Variants in SRBD1 observed in about 807,000 individuals in gnomAD.
SRBD1 encodes the protein S1 RNA-binding domain-containing protein 1.
A neutral mutation model predicts 115.3 loss-of-function variants in SRBD1; 88 were observed. The observed-to-expected ratio is 0.76, with a 90% confidence interval of 0.64 to 0.91. SRBD1 has a LOEUF of 0.91. SRBD1 is among the 40% of genes least tolerant of loss of function. The pLI, the probability that SRBD1 is intolerant of heterozygous loss-of-function variation, is 0.00. For missense variants in SRBD1, 1,385 were observed against 1,177.4 expected (o/e 1.18, Z -2.58); for synonymous variants, 509 against 407.7 (o/e 1.25, Z -2.99).
intron 1 of SRBD1, 134 bp from the exon 2 acceptor site, chr2:45,605,575 A>T (rs1674243106): frequency 1.2e-6 from 1 of 823,352 alleles, no homozygotes; most frequent in Non-Finnish European, 1.9e-6. Context: ...TCACAAGCCC[A>T]AACATCAGTT....
At chr2:45,590,261 T>G (rs746914092) in intron 4 of SRBD1, among the ~76,000 whole-genome samples, 1 of 152,252 alleles carries the variant, frequency 6.6e-6, no homozygotes, top group Non-Finnish European at 1.5e-5. Flanking sequence ...TTCCTAGGCG[T>G]ACGCTGAACT....
chr2:45,602,664 T>G (rs1419010381), intron 2 of SRBD1, among the ~76,000 whole-genome samples: 1 of 152,134 alleles, frequency 6.6e-6, no homozygotes, highest in Non-Finnish European at 1.5e-5. Flanking sequence ...ACTATAGTAC[T>G]TTTCTAACAA....
chr2:45,505,069 C>T (rs999505106), intron 14 of SRBD1, among the ~76,000 whole-genome samples: 3 of 152,134 alleles, frequency 2.0e-5, no homozygotes, highest in Admixed American at 6.5e-5. Context: ...GTCTTCTACA[C>T]AAAACCTGTG....
At chr2:45,476,550 A>G (rs1669808526) in intron 16 of SRBD1, among the ~76,000 whole-genome samples, 1 of 152,216 alleles carries the variant, frequency 6.6e-6, no homozygotes, top group African/African-American at 2.4e-5. Context: ...CAAGAATTAA[A>G]AATACAGTAA....
chr2:45,603,437 A>T (rs944148642), intron 2 of SRBD1, among the ~76,000 whole-genome samples: 2 of 151,964 alleles, frequency 1.3e-5, no homozygotes, highest in African/African-American at 4.8e-5. Context: ...CCTAACCTCT[A>T]AATGCTGGAA....
intron 20 of SRBD1, among the ~76,000 whole-genome samples, chr2:45,392,414 GTT>G (rs1667029254): frequency 6.6e-6 from 1 of 152,180 alleles, no homozygotes; most frequent in Non-Finnish European, 1.5e-5. Context: ...AACTATGGTT[GTT>G]ACATGGAAGT....
At chr2:45,531,541 C>G (rs1671612288) in intron 14 of SRBD1, among the ~76,000 whole-genome samples, 1 of 148,632 alleles carries the variant, frequency 6.7e-6, no homozygotes, top group Non-Finnish European at 1.5e-5. Flanking sequence ...GAAAGTTCTA[C>G]AGTAAAGACG....
At chr2:45,598,522 G>A (rs1453587935) in intron 4 of SRBD1, among the ~76,000 whole-genome samples, 2 of 151,920 alleles carry the variant, frequency 1.3e-5, no homozygotes, top group Non-Finnish European at 2.9e-5. Flanking sequence ...GCTGAGGCAG[G>A]AGAATGGCAT....
At chr2:45,425,819 A>C (rs1248175527) in intron 16 of SRBD1, among the ~76,000 whole-genome samples, 1 of 152,250 alleles carries the variant, frequency 6.6e-6, no homozygotes, top group East Asian at 1.9e-4. Flanking sequence ...CTCTGCCCCA[A>C]ATACTACGCT....
In SRBD1 at chr2:45,389,088, T is replaced by C. The variant is rs1334062589; in HGVS notation, c.*222A>G. ...AGAAAACTATTACTACATAAAGCCATATAAGAATGTGTATTAGTTGTTTCC... is the reference window on the plus strand; with the variant it reads ...AGAAAACTATTACTACATAAAGCCACATAAGAATGTGTATTAGTTGTTTCC... On this transcript the variant is annotated 3_prime_UTR_variant, in exon 21 of 21. Transcript: ENST00000263736. The C allele has an allele frequency of 3.7e-6, 2 of 547,034 alleles. No individual in the cohort carries two copies. The highest frequency in any genetic ancestry group is 3.3e-5 in the South Asian group (1 of 29,854). 33.9% of individuals were successfully genotyped at this position (547,034 alleles called of 1,614,324 possible).
At chr2:45,549,839 G>T (rs1488576841) in intron 12 of SRBD1, among the ~76,000 whole-genome samples, 1 of 151,698 alleles carries the variant, frequency 6.6e-6, no homozygotes, top group African/African-American at 2.4e-5. Flanking sequence ...CTCCAGCCTG[G>T]GTAAAAGAGC....
intron 16 of SRBD1, among the ~76,000 whole-genome samples, chr2:45,425,406 G>A (rs1296546424): frequency 1.3e-5 from 2 of 152,144 alleles, no homozygotes; most frequent in African/African-American, 4.8e-5. Flanking sequence ...ACAAAGGGGT[G>A]TGTATATGTG....
At chr2:45,393,495 C>A (rs547614518) in intron 19 of SRBD1, among the ~76,000 whole-genome samples, 1 of 152,164 alleles carries the variant, frequency 6.6e-6, no homozygotes, top group African/African-American at 2.4e-5. Context: ...ATTCTCCTGC[C>A]TCAGCCTCCC....
chr2:45,514,411 C>T (rs1244451034), intron 14 of SRBD1, among the ~76,000 whole-genome samples: 1 of 148,936 alleles, frequency 6.7e-6, no homozygotes, highest in Non-Finnish European at 1.5e-5. Flanking sequence ...GAGTATGAAC[C>T]TCAAAAAAAA....
chr2:45,440,139 T>C lies in SRBD1; in HGVS notation c.2050-20245A>G, dbSNP rs149480119. ...AGCTGCTTGTTTGGTTCTCATTCCA[T>C]AAATAGACGTTAAGATACTGATCCT... is the stretch of plus-strand genomic sequence containing the variant. On this transcript the variant is annotated intron_variant, in intron 16 of 20. Coordinates refer to ENST00000263736, the MANE Select transcript of SRBD1 (RefSeq NM_018079.5). Among the ~76,000 whole-genome samples, 1,073 of 152,298 alleles carry C rather than the reference T, an allele frequency of 7.0e-3. 4 individuals are homozygous for C. The highest frequency in any genetic ancestry group is 0.012 in the Non-Finnish European group (820 of 68,020).
At chr2:45,524,830 T>A (rs1671392545) in intron 14 of SRBD1, among the ~76,000 whole-genome samples, 1 of 152,008 alleles carries the variant, frequency 6.6e-6, no homozygotes. Context: ...GGATGCTGAA[T>A]AACCAAAACA....
chr2:45,429,005 A>C (rs1668248196), intron 16 of SRBD1, among the ~76,000 whole-genome samples: 1 of 152,220 alleles, frequency 6.6e-6, no homozygotes, highest in Admixed American at 6.5e-5. Context: ...ATCATCAGAG[A>C]ATACTATAAA....
intron 19 of SRBD1, among the ~76,000 whole-genome samples, chr2:45,396,569 C>G (rs1667150851): frequency 6.6e-6 from 1 of 152,176 alleles, no homozygotes; most frequent in Non-Finnish European, 1.5e-5. Flanking sequence ...AAGCACACAT[C>G]TGCACAAAGT....
At chr2:45,592,436 G>C (rs1444820782) in intron 4 of SRBD1, among the ~76,000 whole-genome samples, 1 of 152,116 alleles carries the variant, frequency 6.6e-6, no homozygotes. Flanking sequence ...AAAGTCCTAG[G>C]ATCAAAGTTA....
Sources: allele counts gnomAD v4.1 joint callset (sites outside exome capture counted in the v4.1 genomes callset), GRCh38; gene constraint gnomAD v4.1.1; transcripts MANE v1.5; gene names NCBI Gene and HGNC (gene_info 2026-07-23, HGNC 2026-07-21).